Variants in CHSY3 observed in about 807,000 individuals in gnomAD.
CHSY3 encodes chondroitin sulfate synthase 3, also known as N-acetylgalactosaminyl-proteoglycan 3-beta-glucuronosyltransferase 3.
Under a neutral mutation model 67.2 loss-of-function variants are expected in CHSY3, and 35 were observed. The ratio of observed to expected loss-of-function variants is 0.52; its 90% CI spans 0.40 to 0.69. CHSY3 has a LOEUF of 0.69. CHSY3 is among the 30% of genes least tolerant of loss of function. The probability of loss-of-function intolerance (pLI) is 0.00; values close to 1 mark genes in which losing one functional copy is unlikely to be tolerated. For missense variants in CHSY3, 1,069 were observed against 1,138.5 expected, an observed-to-expected ratio of 0.94 and a Z score of 0.88; for synonymous variants, 474 against 434.7, an observed-to-expected ratio of 1.09 and a Z score of -1.12.
intron 2 of CHSY3, among the ~76,000 whole-genome samples, chr5:129,957,401 G>A (rs1202427908): frequency 6.6e-6 from 1 of 151,870 alleles, no homozygotes; most frequent in Non-Finnish European, 1.5e-5. Flanking sequence ...GAATTATGTT[G>A]TCTGCAAACA....
At chr5:130,002,400 C>A (rs993463855) in intron 2 of CHSY3, among the ~76,000 whole-genome samples, 4 of 152,024 alleles carry the variant, frequency 2.6e-5, no homozygotes, top group Admixed American at 2.0e-4. Flanking sequence ...TGGATGTGCC[C>A]CAGTTGCGCA....
At chr5:130,035,032 G>A (rs1441813006) in intron 2 of CHSY3, among the ~76,000 whole-genome samples, 4 of 152,114 alleles carry the variant, frequency 2.6e-5, no homozygotes, top group Non-Finnish European at 5.9e-5. Flanking sequence ...GTTCTTTTAA[G>A]TGATTTGAGG....
chr5:130,147,495 A>C (rs151196899), intron 2 of CHSY3, among the ~76,000 whole-genome samples: 1 of 152,232 alleles, frequency 6.6e-6, no homozygotes, highest in South Asian at 2.1e-4. Flanking sequence ...ATGAACTTCC[A>C]GTCAAAGAGG....
intron 2 of CHSY3, among the ~76,000 whole-genome samples, chr5:130,024,735 C>T (rs1362243324): frequency 2.0e-5 from 3 of 152,202 alleles, no homozygotes; most frequent in East Asian, 1.9e-4. Flanking sequence ...AACATTGAAG[C>T]AGCGTTCATA....
At chr5:130,054,683 GGAAACCTACCACTTAATGGA>G (rs1765471932) in intron 2 of CHSY3, among the ~76,000 whole-genome samples, 1 of 152,152 alleles carries the variant, frequency 6.6e-6, no homozygotes. Flanking sequence ...GCTTTTGGAA[GGAAACCTACCACTTAATGGA>G]TATTAGTTAT....
In CHSY3 at chr5:130,177,157, C is replaced by A. The variant is rs760024874; in HGVS notation, c.1087-7072C>A. Among the ~76,000 whole-genome samples the A allele has an allele frequency of 1.2e-3, 175 of 150,138 alleles. 2 individuals carry two copies. Among genetic ancestry groups the A allele is most frequent in the Non-Finnish European group, 3.8e-4 (26 of 67,694 alleles). Reference sequence around the variant, plus strand: ...TTGACTCCCTATACTTCATATGGGGCATATAATAATTTTTCATACATATAT... The same window carrying A: ...TTGACTCCCTATACTTCATATGGGGAATATAATAATTTTTCATACATATAT... On this transcript the variant is annotated intron_variant, in intron 2 of 2. Transcript: ENST00000305031.
At position 130,136,432 on chromosome 5, in the gene CHSY3, G is replaced by A. The variant is rs143103690; in HGVS notation, c.1087-47797G>A. ...GAGCTTTGAGTAACTGAAGTTTTGAGGCAGGGAGTGATATAAGTGAATTTT... is the reference window on the plus strand; with the variant it reads ...GAGCTTTGAGTAACTGAAGTTTTGAAGCAGGGAGTGATATAAGTGAATTTT... On this transcript the variant is annotated intron_variant, in intron 2 of 2. Coordinates refer to ENST00000305031, the MANE Select transcript of CHSY3 (RefSeq NM_175856.5). Among the ~76,000 whole-genome samples the A allele has an allele frequency of 3.6e-3, 553 of 152,254 alleles. 2 individuals are homozygous for A. The highest frequency in any genetic ancestry group is 0.01 in the South Asian group (49 of 4,820).
intron 2 of CHSY3, among the ~76,000 whole-genome samples, chr5:130,021,163 A>G (rs1382242118): frequency 6.6e-6 from 1 of 152,168 alleles, no homozygotes; most frequent in Non-Finnish European, 1.5e-5. Context: ...GGGTTTGGTC[A>G]CCAGAATCTT....
At chr5:130,166,356 G>A (rs937220630) in intron 2 of CHSY3, among the ~76,000 whole-genome samples, 28 of 152,004 alleles carry the variant, frequency 1.8e-4, no homozygotes, top group Admixed American at 9.2e-4. Flanking sequence ...GACACTTACT[G>A]GGTCTCATGA....
intron 2 of CHSY3, among the ~76,000 whole-genome samples, chr5:130,044,642 G>A (rs1306655652): frequency 6.6e-6 from 1 of 152,104 alleles, no homozygotes; most frequent in African/African-American, 2.4e-5. Flanking sequence ...TTGAGTCAAT[G>A]AAAAGGATAG....
At chr5:130,059,285 A>G (rs1268067070) in intron 2 of CHSY3, among the ~76,000 whole-genome samples, 1 of 151,976 alleles carries the variant, frequency 6.6e-6, no homozygotes, top group African/African-American at 2.4e-5. Context: ...ATCAACTTTT[A>G]CCTGAATTTC....
intron 2 of CHSY3, among the ~76,000 whole-genome samples, chr5:130,162,885 A>G (rs1769600481): frequency 6.6e-6 from 1 of 152,142 alleles, no homozygotes; most frequent in Non-Finnish European, 1.5e-5. Context: ...ATCAACTCAG[A>G]TCTAAACTCA....
chr5:130,144,315 T>C (rs80186995), intron 2 of CHSY3, among the ~76,000 whole-genome samples: 6,808 of 152,164 alleles, frequency 0.045, 412 homozygotes, highest in East Asian at 0.27. Context: ...AACAAATATA[T>C]GGTTATTTGC....
intron 2 of CHSY3, among the ~76,000 whole-genome samples, chr5:130,100,251 C>T (rs866414427): frequency 6.6e-6 from 1 of 152,040 alleles, no homozygotes; most frequent in African/African-American, 2.4e-5. Context: ...GCGCGATCTC[C>T]GCTCACTGCA....
chr5:129,977,103 C>A (rs932267819), intron 2 of CHSY3, among the ~76,000 whole-genome samples: 2 of 152,014 alleles, frequency 1.3e-5, no homozygotes, highest in Non-Finnish European at 2.9e-5. Context: ...AAATTATTAA[C>A]CCTTCTTTAC....
At chr5:130,095,865 G>A (rs978476386) in intron 2 of CHSY3, among the ~76,000 whole-genome samples, 7 of 152,162 alleles carry the variant, frequency 4.6e-5, no homozygotes, top group East Asian at 1.9e-4. Flanking sequence ...CCACCAATAC[G>A]TATAGTCATA....
intron 2 of CHSY3, among the ~76,000 whole-genome samples, chr5:130,048,059 G>A (rs1433530819): frequency 6.8e-6 from 1 of 147,416 alleles, no homozygotes; most frequent in Non-Finnish European, 1.5e-5. Flanking sequence ...TAAAAAACGG[G>A]AAGGAAAAAG....
chr5:129,934,224 G>T (rs1300434401), intron 2 of CHSY3, among the ~76,000 whole-genome samples: 1 of 152,010 alleles, frequency 6.6e-6, no homozygotes, highest in African/African-American at 2.4e-5. Context: ...TATGTGAAAA[G>T]AATGAGATAA....
chr5:130,121,803 T>A (rs1580754103), intron 2 of CHSY3, among the ~76,000 whole-genome samples: 1 of 152,140 alleles, frequency 6.6e-6, no homozygotes, highest in Non-Finnish European at 1.5e-5. Flanking sequence ...TCCAAATTGC[T>A]TATCTTTTTT....
Sources: gnomAD v4.1 joint callset for allele counts (sites outside exome capture counted in the v4.1 genomes callset) on GRCh38, gnomAD v4.1.1 for gene constraint, MANE v1.5 for transcripts, NCBI Gene and HGNC (gene_info 2026-07-23, HGNC 2026-07-21) for gene names.